Variants in AVEN observed in about 807,000 individuals in gnomAD.
AVEN encodes the protein apoptosis and caspase activation inhibitor.
A neutral mutation model predicts 38.1 loss-of-function variants in AVEN; 41 were observed. The ratio of observed to expected loss-of-function variants is 1.08; its 90% confidence interval spans 0.84 to 1.40. The LOEUF is 1.40. Among genes scored for constraint, AVEN ranks in the 40% most tolerant of loss-of-function variants. AVEN has a pLI of 0.00. For missense variants in AVEN, 605 were observed against 438.8 expected (o/e 1.38, Z -3.38); for synonymous variants, 206 against 171.8 (o/e 1.20, Z -1.56).
At chr15:33,941,191 T>C (rs1164213393) in intron 2 of AVEN, among the ~76,000 whole-genome samples, 1 of 152,218 alleles carries the variant, frequency 6.6e-6, no homozygotes, top group Non-Finnish European at 1.5e-5. Context: ...TGTTTACTAA[T>C]ACCCTATAAA....
intron 2 of AVEN, among the ~76,000 whole-genome samples, chr15:33,981,189 C>T (rs1026925023): frequency 6.6e-5 from 10 of 152,094 alleles, no homozygotes; most frequent in South Asian, 2.1e-4. Flanking sequence ...ATATTAACAG[C>T]GATGCCTTAT....
chr15:34,029,711 TTCA>T (rs2140754364), intron 1 of AVEN, among the ~76,000 whole-genome samples: 1 of 152,288 alleles, frequency 6.6e-6, no homozygotes, highest in African/African-American at 2.4e-5. Context: ...TACTCATTTT[TTCA>T]TCAAGGTTTG....
chr15:33,916,662 G>A (rs576955155), intron 2 of AVEN, among the ~76,000 whole-genome samples: 1 of 152,046 alleles, frequency 6.6e-6, no homozygotes, highest in East Asian at 1.9e-4. Context: ...CTGCAAGAAC[G>A]GCCATAATAA....
At chr15:33,992,543 A>G (rs1896774225) in intron 2 of AVEN, among the ~76,000 whole-genome samples, 1 of 152,204 alleles carries the variant, frequency 6.6e-6, no homozygotes, top group South Asian at 2.1e-4. Context: ...CAAATTTTTT[A>G]ATTTATAGTT....
chr15:34,012,816 G>A (rs1300402565), intron 1 of AVEN, among the ~76,000 whole-genome samples: 1 of 152,196 alleles, frequency 6.6e-6, no homozygotes, highest in African/African-American at 2.4e-5. Flanking sequence ...CCTCAAGCAA[G>A]AACATGCAGA....
intron 2 of AVEN, among the ~76,000 whole-genome samples, chr15:33,916,050 C>T (rs868744540): frequency 2.6e-5 from 4 of 152,088 alleles, no homozygotes; most frequent in East Asian, 1.9e-4. Flanking sequence ...AGCTCAGACA[C>T]GCCCAACCCT....
intron 2 of AVEN, among the ~76,000 whole-genome samples, chr15:33,946,863 G>A (rs549763291): frequency 6.6e-6 from 1 of 152,274 alleles, no homozygotes; most frequent in South Asian, 2.1e-4. Flanking sequence ...GGTCACAGGA[G>A]GAGCAATCTG....
intron 2 of AVEN, among the ~76,000 whole-genome samples, chr15:33,943,663 A>G (rs1894401415): frequency 6.6e-6 from 1 of 151,998 alleles, no homozygotes; most frequent in Non-Finnish European, 1.5e-5. Flanking sequence ...TGGTGAAACT[A>G]AAATACAAAA....
At chr15:34,073,044 C>A (rs201974106) in intron 1 of AVEN, among the ~76,000 whole-genome samples, 1 of 129,080 alleles carries the variant, frequency 7.7e-6, no homozygotes, top group Admixed American at 7.9e-5. Context: ...TTTTTTTTTT[C>A]TTTTTCTTTT....
At chr15:33,882,260 T>G (rs1345516646) in intron 2 of AVEN, among the ~76,000 whole-genome samples, 1 of 152,102 alleles carries the variant, frequency 6.6e-6, no homozygotes, top group East Asian at 1.9e-4. Flanking sequence ...GCCTACAAAA[T>G]CCAATGACTG....
At chr15:33,859,599 GGAGT>G (rs2080119425) in intron 11 of AVEN, 2 of 1,613,888 alleles carry the variant, frequency 1.2e-6, no homozygotes. Context: ...CATGTACGTG[GGAGT>G]GAGAGCAGGA....
intron 5 of AVEN, among the ~76,000 whole-genome samples, chr15:34,059,486 C>T (rs1327484500): frequency 6.6e-6 from 1 of 152,180 alleles, no homozygotes; most frequent in Non-Finnish European, 1.5e-5. Flanking sequence ...GATGGGGAGT[C>T]TGGAAATAGC....
At chr15:34,013,929 G>T (rs1897749728) in intron 1 of AVEN, among the ~76,000 whole-genome samples, 1 of 152,282 alleles carries the variant, frequency 6.6e-6, no homozygotes, top group South Asian at 2.1e-4. Flanking sequence ...TCCGCCTGCT[G>T]ACTCTTCCCA....
chr15:33,929,493 G>A (rs987060635), intron 2 of AVEN, among the ~76,000 whole-genome samples: 2 of 152,190 alleles, frequency 1.3e-5, no homozygotes, highest in African/African-American at 4.8e-5. Flanking sequence ...GCTGGTGCCA[G>A]CCTTGTGAGC....
upstream of AVEN, among the ~76,000 whole-genome samples, chr15:34,039,328 G>A (rs569274779): frequency 6.6e-6 from 1 of 151,972 alleles, no homozygotes; most frequent in African/African-American, 2.4e-5. Flanking sequence ...GGATTCTCAA[G>A]GCATCAGAGA....
chr15:33,965,227 T>C (rs780749218), intron 2 of AVEN, among the ~76,000 whole-genome samples: 85 of 152,340 alleles, frequency 5.6e-4, no homozygotes, highest in Non-Finnish European at 1.2e-3. Context: ...AAAGGTTTGA[T>C]TTCTTCAACA....
chr15:33,890,802 T>C lies in AVEN; in HGVS notation c.446-14807A>G, dbSNP rs181360846. On this transcript the variant is annotated intron_variant, in intron 2 of 5. Transcript: ENST00000306730. ...TGCAAACTTACTAGCTGATGAGCTA[T>C]GAACATGACCATTACAAAGGTAAAA... 3.8e-4 allele frequency among the ~76,000 whole-genome samples: 58 copies of C among 152,272 alleles called. No individual in the cohort carries two copies. The East Asian group carries it at 9.3e-3, about 24-fold the overall frequency.
At position 34,005,749 on chromosome 15, in the gene AVEN, A is replaced by G. The variant is rs138574830; in HGVS notation, c.268-2540T>C. On this transcript the variant is annotated intron_variant, in intron 1 of 5. Transcript: ENST00000306730. ...CCATTCACTTAACAAATTTAACACT[A>G]GTCAATAATCCTCACCTGAATCAAC... Among the ~76,000 whole-genome samples, 501 of 152,334 alleles carry G rather than the reference A, an allele frequency of 3.3e-3. 6 individuals are homozygous for G. The highest frequency in any genetic ancestry group is 0.011 in the African/African-American group (473 of 41,578).
At chr15:34,031,943 C>T (rs150038213) in intron 1 of AVEN, among the ~76,000 whole-genome samples, 2,614 of 152,042 alleles carry the variant, frequency 0.017, 73 homozygotes, top group African/African-American at 0.06. Context: ...ACTAACAAAG[C>T]TGTTAATTAT....
Sources: gnomAD v4.1 joint callset for allele counts (sites outside exome capture counted in the v4.1 genomes callset) on GRCh38, gnomAD v4.1.1 for gene constraint, MANE v1.5 for transcripts, NCBI Gene and HGNC (gene_info 2026-07-23, HGNC 2026-07-21) for gene names.